The following GEMIN5 variants were observed in gnomAD, a reference collection of about 807,000 sequenced individuals.
GEMIN5 encodes the protein gem-associated protein 5.
Under a neutral mutation model 176.9 loss-of-function variants are expected in GEMIN5, and 124 were observed. That is an observed-to-expected ratio of 0.70 (90% CI 0.61 to 0.81). The LOEUF (loss-of-function observed/expected upper bound fraction) is 0.81. Among genes scored for constraint, GEMIN5 ranks in the 40% least tolerant of loss-of-function variants. GEMIN5 has a pLI of 0.00. For synonymous variants in GEMIN5, 673 were observed against 665.2 expected (o/e 1.01, Z -0.18); for missense variants, 1,843 against 1,814.6 (o/e 1.02, Z -0.28).
chr5:154,933,869 T>C (rs2113515922), intron 3 of GEMIN5, among the ~76,000 whole-genome samples: 1 of 152,138 alleles, frequency 6.6e-6, no homozygotes. Flanking sequence ...TTTCTGTTCA[T>C]CCTCTCTATC....
chr5:154,912,846 A>G (rs942251129), intron 14 of GEMIN5, 53 bp downstream of exon 14: 6 of 1,474,300 alleles, frequency 4.1e-6, no homozygotes, highest in African/African-American at 2.8e-5. Flanking sequence ...AAGAAGAAAG[A>G]ATTTGTTAGA....
intron 1 of GEMIN5, among the ~76,000 whole-genome samples, chr5:154,937,499 T>A (rs348749): frequency 0.83 from 126,274 of 152,186 alleles, 53,153 homozygotes; most frequent in Non-Finnish European, 0.91. Flanking sequence ...GTGGCCAGAA[T>A]AAATCACCTG....
rs1561713033 is a variant in GEMIN5, at chr5:154,901,503, TG to T, written c.2867-18del. 2 of 1,611,668 alleles carry T rather than the reference TG, an allele frequency of 1.2e-6. No homozygotes were observed. Among genetic ancestry groups the T allele is most frequent in the Non-Finnish European group, 1.7e-6 (2 of 1,179,012 alleles). On this transcript the variant is annotated intron_variant, in intron 20 of 27. Transcript: ENST00000285873. ...GGTAGCCAGCTGAAAAAATAAAAGA[TG>T]GTGGTTAAAAAAACAGTTGAAGAAA...
intron 16 of GEMIN5, among the ~76,000 whole-genome samples, chr5:154,906,534 T>A (rs556302160): frequency 2.6e-5 from 4 of 152,282 alleles, no homozygotes; most frequent in Admixed American, 6.5e-5. Flanking sequence ...AACTTGTTGA[T>A]CCATGTTTTG....
At chr5:154,931,364 A>G in intron 5 of GEMIN5, 94 bp downstream of exon 5, 1 of 1,297,778 alleles carries the variant, frequency 7.7e-7, no homozygotes, top group Non-Finnish European at 1.1e-6. Flanking sequence ...CTGCTCTCAA[A>G]TAGATGACAC....
intron 23 of GEMIN5, among the ~76,000 whole-genome samples, chr5:154,897,995 G>T (rs1031130228): frequency 2.0e-5 from 3 of 150,812 alleles, no homozygotes; most frequent in East Asian, 3.9e-4. Flanking sequence ...CGCCTTCCGG[G>T]TTCAAGTGAT....
chr5:154,929,525 C>T (rs1764118208), intron 5 of GEMIN5, among the ~76,000 whole-genome samples: 1 of 152,192 alleles, frequency 6.6e-6, no homozygotes, highest in Non-Finnish European at 1.5e-5. Context: ...TACGCCAGGG[C>T]CTAACTCCTA....
chr5:154,922,358 G>A (rs1763941018), intron 9 of GEMIN5, among the ~76,000 whole-genome samples: 1 of 152,042 alleles, frequency 6.6e-6, no homozygotes, highest in Non-Finnish European at 1.5e-5. Flanking sequence ...TAGTAGAGAT[G>A]GGGTTTCACA....
intron 6 of GEMIN5, 76 bp from the exon 7 acceptor site, chr5:154,927,626 G>C: frequency 9.6e-7 from 1 of 1,044,756 alleles, no homozygotes; most frequent in Non-Finnish European, 1.4e-6. Flanking sequence ...CAGAGTCTGG[G>C]CTCATAGCTG....
Position 154,921,371 on chromosome 5 carries a change from C to T in GEMIN5, c.1434G>A (p.Trp478Ter). 1 of 1,481,824 alleles carries T rather than the reference C, an allele frequency of 6.7e-7. No homozygotes were observed. Among genetic ancestry groups the T allele is most frequent in the Non-Finnish European group, 9.4e-7 (1 of 1,067,228 alleles). The allele number at this position is 1,481,824 out of a possible 1,614,324, so 91.8% of individuals were successfully genotyped here. A position where few individuals can be genotyped will look rare whatever the true frequency, so the allele number is the denominator to read the frequency against. The change falls in exon 10 of 28, where the codon TGG (tryptophan) becomes TGA (stop). Residue 478 changes from tryptophan to a stop codon, truncating the protein, a stop_gained. Coordinates refer to ENST00000285873, the MANE Select transcript of GEMIN5 (RefSeq NM_015465.5). LOFTEE classifies it high-confidence loss of function. ...YHKKTVYTLAWGPPVPPMSLG... is the reference protein window; with the variant it reads ...YHKKTVYTLA ...GTGACATGGGGGGTACTGGTGGCCCCCAGGCTAAAGTATATACAGTCTTCT... is the reference window on the plus strand; with the variant it reads ...GTGACATGGGGGGTACTGGTGGCCCTCAGGCTAAAGTATATACAGTCTTCT...
At chr5:154,904,324 T>C (rs1269624830) in intron 18 of GEMIN5, among the ~76,000 whole-genome samples, 183 bp downstream of exon 18, 3 of 152,022 alleles carry the variant, frequency 2.0e-5, no homozygotes, top group African/African-American at 7.2e-5. Context: ...TGGGTCACAA[T>C]GGGGAGTTTG....
At chr5:154,922,547 T>C (rs1763945955) in intron 9 of GEMIN5, among the ~76,000 whole-genome samples, 1 of 152,176 alleles carries the variant, frequency 6.6e-6, no homozygotes, top group African/African-American at 2.4e-5. Flanking sequence ...TCTCTGGCTA[T>C]TACATGGCTT....
intron 26 of GEMIN5, among the ~76,000 whole-genome samples, chr5:154,891,004 C>T (rs140648327): frequency 1.1e-3 from 170 of 151,786 alleles, no homozygotes; most frequent in African/African-American, 3.6e-3. Flanking sequence ...GATCTGCCCA[C>T]CTCGGCCTCC....
chr5:154,924,398 A>C, intron 9 of GEMIN5, 71 bp downstream of exon 9: 3 of 830,682 alleles, frequency 3.6e-6, no homozygotes, highest in South Asian at 1.5e-5. Context: ...GTGAGGGATT[A>C]TTCTAGAGCA....
Position 154,889,423 on chromosome 5 carries a change from G to A in GEMIN5, c.4263-6C>T. The A allele has an allele frequency of 6.4e-7, 1 of 1,551,290 alleles. No homozygotes were observed. Among genetic ancestry groups the A allele is most frequent in the Non-Finnish European group, 8.9e-7 (1 of 1,124,898 alleles). On this transcript the variant is annotated splice_polypyrimidine_tract_variant and splice_region_variant and intron_variant, in intron 26 of 27. Transcript: ENST00000285873. The stretch of plus-strand genomic sequence containing the variant: ...GCTCATTTTTTTCTTCTTTACTAGT[G>A]AAAAAAATAAAAGGTGTAAATTGTA...
chr5:154,898,473 G>C lies in GEMIN5; in HGVS notation c.3312C>G (p.Ala1104=). 6.2e-7 allele frequency: 1 copy of C among 1,614,096 alleles called. No individual in the cohort carries two copies. Among genetic ancestry groups the C allele is most frequent in the South Asian group, 1.1e-5 (1 of 91,080 alleles). Reference sequence around the variant, plus strand: ...TTTCATGCAGCTGCAGGGCTTCCTGGGCTCCCACCCAGTTGTTGGCCAGAA... The same window carrying C: ...TTTCATGCAGCTGCAGGGCTTCCTGCGCTCCCACCCAGTTGTTGGCCAGAA... ...ELLLANNWVG[A]QEALQLHESL... Residue 1104 remains alanine, a synonymous_variant, in exon 23 of 28, where the codon GCC becomes GCG. Transcript: ENST00000285873.
chr5:154,920,159 T>C lies in GEMIN5; in HGVS notation c.1463-56A>G, dbSNP rs1044464604. The C allele has an allele frequency of 1.4e-5, 20 of 1,461,466 alleles. No homozygotes were observed. The African/African-American group carries it at 2.4e-4, about 17-fold the overall frequency. 90.5% of individuals were successfully genotyped at this position (1,461,466 alleles called of 1,614,324 possible). ...TTTTGTACTTCATCAGCTTAACTATTTGTTGCTATAGTATGACCATACCAT... is the reference window on the plus strand; with the variant it reads ...TTTTGTACTTCATCAGCTTAACTATCTGTTGCTATAGTATGACCATACCAT... On this transcript the variant is annotated intron_variant, in intron 10 of 27. Transcript: ENST00000285873.
At position 154,903,121 on chromosome 5, in the gene GEMIN5, A is replaced by T. The variant is rs774308290; in HGVS notation, c.2687T>A (p.Phe896Tyr). 6.2e-7 allele frequency: 1 copy of T among 1,612,992 alleles called. No homozygotes were observed. The highest frequency in any genetic ancestry group is 2.2e-5 in the East Asian group (1 of 44,870). Residue 896 changes from phenylalanine to tyrosine, a missense_variant, in exon 19 of 28, where the codon TTC (phenylalanine) becomes TAC (tyrosine). Transcript: ENST00000285873. ...DVEERFHLGL[F>Y]TDRATLYRMI... ...TCTATACAGGGTAGCCCTGTCTGTG[A>T]AAAGCCCCAGATGAAATCTTTCCTC...
chr5:154,891,429 C>A lies in GEMIN5; in HGVS notation c.4074G>T (p.Glu1358Asp), dbSNP rs1159078214. Residue 1358 changes from glutamate (E) to aspartate (D), a missense_variant, in exon 26 of 28, where the codon GAG becomes GAT. Glu to Asp is a conservative substitution (Grantham distance 45, BLOSUM62 2). Coordinates refer to ENST00000285873, the MANE Select transcript of GEMIN5 (RefSeq NM_015465.5). ...GACTGGCATGCTTTTCTGAAAAGAG[C>A]TCCTTAAAAGTACTCAGCATTCGCT... is the stretch of plus-strand genomic sequence containing the variant. The part of the protein sequence containing the change: ...EGERMLSTFK[E>D]LFSEKHASLQ... The A allele has an allele frequency of 1.2e-6, 2 of 1,613,996 alleles. No individual in the cohort carries two copies. Among genetic ancestry groups the A allele is most frequent in the Non-Finnish European group, 1.7e-6 (2 of 1,179,996 alleles).
Sources: gnomAD v4.1 joint callset for allele counts (sites outside exome capture counted in the v4.1 genomes callset) on GRCh38, gnomAD v4.1.1 for gene constraint, MANE v1.5 for transcripts, NCBI Gene and HGNC (gene_info 2026-07-23, HGNC 2026-07-21) for gene names.